CACNG2: variants seen among roughly 807,000 people sequenced by gnomAD.
The protein encoded by CACNG2 is voltage-dependent calcium channel gamma-2 subunit.
Under a neutral mutation model 25.9 loss-of-function variants are expected in CACNG2, and 3 were observed. That is an observed-to-expected ratio of 0.12 (90% CI 0.05 to 0.30). CACNG2 has a LOEUF of 0.30. Ranked by LOEUF, CACNG2 falls within the 10% of genes least tolerant of loss-of-function variation. The pLI, the probability that CACNG2 is intolerant of heterozygous loss-of-function variation, is 1.00. For missense variants in CACNG2, 341 were observed against 432.5 expected (o/e 0.79, Z 1.88); for synonymous variants, 167 against 173.3 (o/e 0.96, Z 0.29).
chr22:36,659,816 C>T (rs1015371565), intron 1 of CACNG2, among the ~76,000 whole-genome samples: 9 of 152,122 alleles, frequency 5.9e-5, no homozygotes, highest in South Asian at 4.1e-4. Context: ...TGAATATCTG[C>T]GCGGCCCCTC....
At chr22:36,637,788 G>A (rs1173631654) in intron 1 of CACNG2, among the ~76,000 whole-genome samples, 2 of 152,142 alleles carry the variant, frequency 1.3e-5, no homozygotes, top group African/African-American at 4.8e-5. Flanking sequence ...GGGATGCCAA[G>A]GCAGGCAGAT....
chr22:36,564,935 GT>G lies in CACNG2; in HGVS notation c.437-50del. 6.4e-7 allele frequency: 1 copy of G among 1,565,222 alleles called. No homozygotes were observed. Among genetic ancestry groups the G allele is most frequent in the Non-Finnish European group, 8.7e-7 (1 of 1,147,416 alleles). On this transcript the variant is annotated intron_variant, in intron 3 of 3. Transcript: ENST00000300105. This position sits in a 1 kb window ranked among gnomAD's most constrained non-coding sequence, Gnocchi z 6.7. ...TGGGGGATCAGAGAGAAGGACGTTA[GT>G]TTCTCAGGAAGTCGGCCACAGGGCA...
At chr22:36,571,726 A>C (rs938455744) in intron 2 of CACNG2, among the ~76,000 whole-genome samples, 2 of 151,600 alleles carry the variant, frequency 1.3e-5, no homozygotes, top group African/African-American at 4.9e-5. Context: ...AAAATAAAAA[A>C]ATTAGCTGGG....
At chr22:36,676,969 T>TGTGTGTGTGTGTGTG (rs58195961) in intron 1 of CACNG2, among the ~76,000 whole-genome samples, 17 of 151,186 alleles carry the variant, frequency 1.1e-4, no homozygotes, top group South Asian at 4.2e-4. Context: ...TGTGTGTGTG[T>TGTGTGTGTGTGTGTG]TTTAAAAATC....
intron 2 of CACNG2, among the ~76,000 whole-genome samples, chr22:36,582,033 G>A (rs1243771603): frequency 6.6e-6 from 1 of 152,150 alleles, no homozygotes; most frequent in Non-Finnish European, 1.5e-5. Context: ...CGGTGCCCTG[G>A]AAATATTTTC....
At chr22:36,570,038 C>T (rs1412105957) in intron 2 of CACNG2, among the ~76,000 whole-genome samples, 1 of 152,202 alleles carries the variant, frequency 6.6e-6, no homozygotes, top group Non-Finnish European at 1.5e-5. Context: ...TTACTACCCA[C>T]AGGATGCCTG....
intron 1 of CACNG2, among the ~76,000 whole-genome samples, chr22:36,598,753 C>A (rs962517326): frequency 7.9e-5 from 12 of 151,900 alleles, no homozygotes; most frequent in African/African-American, 2.9e-4. Flanking sequence ...CCAAGGTGGG[C>A]AGGTCACTTG....
intron 1 of CACNG2, among the ~76,000 whole-genome samples, chr22:36,626,946 T>C (rs930632964): frequency 6.6e-6 from 1 of 152,258 alleles, no homozygotes; most frequent in African/African-American, 2.4e-5. Flanking sequence ...CTGGTTATCC[T>C]CATTTTATAG....
intron 1 of CACNG2, among the ~76,000 whole-genome samples, chr22:36,670,869 T>C (rs1472910369): frequency 1.3e-5 from 2 of 152,054 alleles, no homozygotes; most frequent in Non-Finnish European, 2.9e-5. Flanking sequence ...TAAAGTCATC[T>C]GTCCAAAGAG....
intron 1 of CACNG2, among the ~76,000 whole-genome samples, chr22:36,632,151 G>T (rs1420914549): frequency 6.6e-6 from 1 of 152,006 alleles, no homozygotes; most frequent in African/African-American, 2.4e-5. Flanking sequence ...TGTTCAAAGG[G>T]AAGCTGAATG....
At chr22:36,666,525 G>C (rs1178297751) in intron 1 of CACNG2, among the ~76,000 whole-genome samples, 2 of 152,128 alleles carry the variant, frequency 1.3e-5, no homozygotes, top group African/African-American at 4.8e-5. Flanking sequence ...GAGGGGCAGG[G>C]GGGAATGAGG....
intron 1 of CACNG2, among the ~76,000 whole-genome samples, chr22:36,612,640 GTT>G (rs1365915610): frequency 6.6e-6 from 1 of 152,162 alleles, no homozygotes; most frequent in Non-Finnish European, 1.5e-5. Flanking sequence ...CATCCGCCTG[GTT>G]ATTTGGCTGG....
intron 1 of CACNG2, among the ~76,000 whole-genome samples, chr22:36,639,195 C>A (rs753454403): frequency 1.5e-4 from 23 of 152,090 alleles, no homozygotes; most frequent in South Asian, 2.1e-4. Flanking sequence ...CAAGTGGAGC[C>A]AACAACACCC....
chr22:36,682,990 C>G (rs1224750937), intron 1 of CACNG2, among the ~76,000 whole-genome samples: 2 of 152,176 alleles, frequency 1.3e-5, no homozygotes, highest in African/African-American at 4.8e-5. Flanking sequence ...TGCGAGAACG[C>G]TTACTTCCCC....
At chr22:36,673,839 C>T (rs780795926) in intron 1 of CACNG2, among the ~76,000 whole-genome samples, 1 of 152,120 alleles carries the variant, frequency 6.6e-6, no homozygotes, top group Non-Finnish European at 1.5e-5. Flanking sequence ...TGAGTTATCA[C>T]GAGTCAGCTC....
At chr22:36,622,504 G>C (rs1936120883) in intron 1 of CACNG2, among the ~76,000 whole-genome samples, 2 of 152,200 alleles carry the variant, frequency 1.3e-5, no homozygotes. Context: ...TAGGAAAGGA[G>C]AGTTTAGCAA....
intron 1 of CACNG2, among the ~76,000 whole-genome samples, chr22:36,602,365 A>G (rs1935765750): frequency 6.6e-6 from 1 of 151,858 alleles, no homozygotes; most frequent in Non-Finnish European, 1.5e-5. Context: ...TGTATTTATT[A>G]TTAAACACAT....
intron 3 of CACNG2, among the ~76,000 whole-genome samples, chr22:36,565,104 A>C (rs1258795099): frequency 1.3e-5 from 2 of 152,210 alleles, no homozygotes; most frequent in Non-Finnish European, 2.9e-5. Context: ...GGAAGCGCTA[A>C]TGGAAACAGA....
At chr22:36,593,254 A>C (rs1055456161) in intron 1 of CACNG2, among the ~76,000 whole-genome samples, 1 of 152,236 alleles carries the variant, frequency 6.6e-6, no homozygotes, top group African/African-American at 2.4e-5. Context: ...TGAAGGGGTC[A>C]CGGCCAGGGA....
Sources: allele counts gnomAD v4.1 joint callset (sites outside exome capture counted in the v4.1 genomes callset), GRCh38; gene constraint gnomAD v4.1.1; non-coding constraint Gnocchi (gnomAD v3.1); transcripts MANE v1.5; gene names NCBI Gene and HGNC (gene_info 2026-07-23, HGNC 2026-07-21).